Variants in ZNF667 observed in about 807,000 individuals in gnomAD.
ZNF667 encodes myocardial ischemic preconditioning upregulated 1 ortholog.
In ZNF667, 13 loss-of-function variants were observed where a neutral mutation model predicts 31.8. That is an observed-to-expected ratio of 0.41 (90% CI 0.27 to 0.65). ZNF667 has a LOEUF of 0.65. ZNF667 is among the 30% of genes least tolerant of loss of function. The pLI, the probability that ZNF667 is intolerant of heterozygous loss-of-function variation, is 0.32. For missense variants in ZNF667, 642 were observed against 725.6 expected (o/e 0.88, Z 1.32); for synonymous variants, 228 against 247.1 (o/e 0.92, Z 0.73).
At position 56,442,567 on chromosome 19, in the gene ZNF667, G is replaced by A; in HGVS notation, c.428C>T (p.Pro143Leu). The part of the protein sequence containing the change: ...KPKKGHSGKK[P>L]LKCNDCGKTF... ...TTTACCACAGTCATTACATTTTAAA[G>A]GTTTCTTCCCTGAATGCCCTTTCTT... Residue 143 changes from proline to leucine, a missense_variant, in exon 7 of 7, where the codon CCT becomes CTT. Physicochemically the swap from Pro to Leu is moderately conservative, Grantham distance 98 (BLOSUM62 -3). Transcript: ENST00000504904. 6.2e-7 allele frequency: 1 copy of A among 1,614,088 alleles called. No homozygotes were observed. The highest frequency in any genetic ancestry group is 8.5e-7 in the Non-Finnish European group (1 of 1,179,982).
At chr19:56,470,355 C>T (rs1226873086) in intron 3 of ZNF667, among the ~76,000 whole-genome samples, 3 of 152,326 alleles carry the variant, frequency 2.0e-5, no homozygotes, top group South Asian at 2.1e-4. Context: ...TGGGCAGCAG[C>T]GTCACCTCCT....
Position 56,449,386 on chromosome 19 carries a change from G to A in ZNF667, c.254-6645C>T, listed in dbSNP as rs1298754325. On this transcript the variant is annotated intron_variant, in intron 6 of 6. Transcript: ENST00000504904. ...CCGTTCAGTCAGAGAATTCAAAATA[G>A]CTATCTTGGCCTGGCATGGTGGAGC... The A allele has an allele frequency of 1.0e-5, 3 of 287,322 alleles. No individual in the cohort carries two copies. In the East Asian group the frequency reaches 3.5e-4, roughly 33 times the overall value. 17.8% of individuals were successfully genotyped at this position (287,322 alleles called of 1,614,324 possible). A position where few individuals can be genotyped will look rare whatever the true frequency, so the allele number is the denominator to read the frequency against.
Position 56,470,600 on chromosome 19 carries a change from T to C in ZNF667, c.-60+1099A>G, listed in dbSNP as rs111977708. Among the ~76,000 whole-genome samples the C allele has an allele frequency of 7.8e-3, 1,190 of 152,202 alleles. 16 individuals carry two copies. Among genetic ancestry groups the C allele is most frequent in the African/African-American group, 0.026 (1,097 of 41,524 alleles). ...CCTCACACATGGCAGGAGTCCACTA[T>C]CCACCCTGGCAGGGCACGGGAGGCA... On this transcript the variant is annotated intron_variant, in intron 3 of 6. Coordinates refer to ENST00000504904, the MANE Select transcript of ZNF667 (RefSeq NM_001321356.2).
At chr19:56,475,567 T>A (rs2043388142) in intron 1 of ZNF667, 1 of 152,028 alleles carries the variant, frequency 6.6e-6, no homozygotes, top group African/African-American at 2.4e-5. Context: ...ACTGGCCTGG[T>A]AAATAGAGCC....
At chr19:56,443,158 G>A (rs2042652939) in intron 6 of ZNF667, among the ~76,000 whole-genome samples, 1 of 152,048 alleles carries the variant, frequency 6.6e-6, no homozygotes, top group Admixed American at 6.6e-5. Flanking sequence ...TTACAGGGGT[G>A]ATAAAAATGT....
intron 2 of ZNF667, chr19:56,472,539 C>T (rs2043314798): frequency 6.6e-6 from 1 of 152,272 alleles, no homozygotes; most frequent in Non-Finnish European, 1.5e-5. Context: ...TCCACCTCTT[C>T]CACCTCTGAG....
At chr19:56,449,363 G>C in intron 6 of ZNF667, 1 of 328,726 alleles carries the variant, frequency 3.0e-6, no homozygotes, top group South Asian at 2.4e-5. Flanking sequence ...TAATGTGACC[G>C]TTCAGTCAGA....
Position 56,458,182 on chromosome 19 carries a change from C to G in ZNF667, c.226G>C (p.Glu76Gln). 2 of 1,614,220 alleles carry G rather than the reference C, an allele frequency of 1.2e-6. No homozygotes were observed. Among genetic ancestry groups the G allele is most frequent in the Non-Finnish European group, 8.5e-7 (1 of 1,180,036 alleles). The change falls in exon 6 of 7, where the codon GAG becomes CAG. Residue 76 changes from glutamate (E) to glutamine (Q), a missense_variant. Physicochemically the swap from Glu to Gln is conservative, Grantham distance 29. Transcript: ENST00000504904. ...GGAGCCCGGCGTCTTCTTACTGGCT[C>G]TACCATCCAGGGTGCTTTCCCTTTC... ...LEKGKAPWMV[E>Q]PVRRRRAPDS... is the part of the protein sequence containing the mutation.
intron 6 of ZNF667, among the ~76,000 whole-genome samples, chr19:56,457,017 C>T (rs1001102718): frequency 5.3e-5 from 8 of 152,088 alleles, no homozygotes; most frequent in Admixed American, 1.3e-4. Context: ...CAAAGCCAGA[C>T]GCTCGAGGTG....
rs1248963706 is a variant in ZNF667, at chr19:56,440,810, A to AT, written c.*351dup. 3 of 720,006 alleles carry AT rather than the reference A, an allele frequency of 4.2e-6. No individual in the cohort carries two copies. The highest frequency in any genetic ancestry group is 5.3e-6 in the Non-Finnish European group (3 of 569,614). The allele number at this position is 720,006 out of a possible 1,614,324, so 44.6% of individuals were successfully genotyped here. A position where few individuals can be genotyped will look rare whatever the true frequency, so the allele number is the denominator to read the frequency against. On this transcript the variant is annotated 3_prime_UTR_variant, in exon 7 of 7. Coordinates refer to ENST00000504904, the MANE Select transcript of ZNF667 (RefSeq NM_001321356.2). Reference sequence around the variant, plus strand: ...CACCACCACGCCCAGCTAATTTTGTATTTTTTAGTAGAGACAGGGTTTCAC... The same window carrying AT: ...CACCACCACGCCCAGCTAATTTTGTATTTTTTTAGTAGAGACAGGGTTTCAC...
chr19:56,472,983 T>A (rs1251369281), intron 2 of ZNF667: 1 of 152,176 alleles, frequency 6.6e-6, no homozygotes, highest in Non-Finnish European at 1.5e-5. Flanking sequence ...TTGGTGTAAA[T>A]TCAATGGAGG....
intron 1 of ZNF667, chr19:56,475,656 A>T (rs1339808686): frequency 6.6e-6 from 1 of 152,304 alleles, no homozygotes; most frequent in African/African-American, 2.4e-5. Flanking sequence ...TCTGGCCCCA[A>T]ATGTCACAGT....
At chr19:56,469,777 ACT>A (rs2043247418) in intron 3 of ZNF667, 6 of 371,190 alleles carry the variant, frequency 1.6e-5, no homozygotes, top group Admixed American at 6.2e-5. Context: ...AGGACAGGCA[ACT>A]CTGTATTCCA....
rs761157066 is a variant in ZNF667, at chr19:56,441,201, C to A, written c.1794G>T (p.Leu598=). The A allele has an allele frequency of 5.6e-6, 9 of 1,612,986 alleles. No individual in the cohort carries two copies. Among genetic ancestry groups the A allele is most frequent in the Middle Eastern group, 1.6e-4 (1 of 6,082 alleles). Residue 598 remains leucine, a synonymous_variant, in exon 7 of 7, where the codon CTG becomes CTT. Transcript: ENST00000504904. This position sits in a 1 kb window ranked among gnomAD's most constrained non-coding sequence, Gnocchi z 4.2. ...CGKAYSRSSS[L]IRHQNTHSEE... is the part of the protein sequence containing the mutation. The stretch of plus-strand genomic sequence containing the variant: ...CAGAATGTGTATTCTGATGTCGAAT[C>A]AGGGATGAACTCCGACTATATGCCT...
Position 56,442,540 on chromosome 19 carries a change from G to A in ZNF667, c.455C>T (p.Thr152Ile). 1 of 1,614,012 alleles carries A rather than the reference G, an allele frequency of 6.2e-7. No homozygotes were observed. Residue 152 changes from threonine to isoleucine, a missense_variant, in exon 7 of 7, where the codon ACC becomes ATC. Coordinates refer to ENST00000504904, the MANE Select transcript of ZNF667 (RefSeq NM_001321356.2). ...KPLKCNDCGK[T>I]FSRSFSLKLH... is the part of the protein sequence containing the mutation. ...TTTAAGAGAGAAGCTTCGACTAAAG[G>A]TTTTACCACAGTCATTACATTTTAA...
intron 5 of ZNF667, 26 bp from the exon 6 acceptor site, chr19:56,458,273 T>C (rs764015742): frequency 6.2e-7 from 1 of 1,603,408 alleles, no homozygotes. Context: ...ACATGGGAAA[T>C]GATCATAAAT....
intron 4 of ZNF667, among the ~76,000 whole-genome samples, chr19:56,461,125 CAG>C (rs1348142272): frequency 6.6e-6 from 1 of 152,156 alleles, no homozygotes; most frequent in Non-Finnish European, 1.5e-5. Flanking sequence ...TCATGTGAAT[CAG>C]TGATAGAGGC....
intron 5 of ZNF667, among the ~76,000 whole-genome samples, chr19:56,458,463 G>C (rs1014213537): frequency 2.0e-5 from 3 of 152,114 alleles, no homozygotes; most frequent in African/African-American, 7.2e-5. Flanking sequence ...TTAAACCCTG[G>C]GAATCTCCTG....
chr19:56,469,747 G>A (rs756277582), intron 3 of ZNF667, among the ~76,000 whole-genome samples: 4 of 152,138 alleles, frequency 2.6e-5, no homozygotes, highest in African/African-American at 7.2e-5. Flanking sequence ...TGCTTATTAT[G>A]CTTACTGTCA....
Sources: allele counts gnomAD v4.1 joint callset (sites outside exome capture counted in the v4.1 genomes callset), GRCh38; gene constraint gnomAD v4.1.1; non-coding constraint Gnocchi (gnomAD v3.1); transcripts MANE v1.5; gene names NCBI Gene and HGNC (gene_info 2026-07-23, HGNC 2026-07-21).